The following SPATA13 variants were observed in gnomAD, a reference collection of about 807,000 sequenced individuals.
SPATA13 encodes the protein spermatogenesis associated 13.
SPATA13 carries 50 observed loss-of-function variants against 104.0 expected under a neutral mutation model. That is an observed-to-expected ratio of 0.48 (90% CI 0.38 to 0.61). The LOEUF (loss-of-function observed/expected upper bound fraction) is 0.61. Among genes scored for constraint, SPATA13 ranks in the 20% least tolerant of loss-of-function variants. SPATA13 has a pLI of 0.00. For synonymous variants in SPATA13, 606 were observed against 667.5 expected (o/e 0.91, Z 1.42); for missense variants, 1,524 against 1,690.6 (o/e 0.90, Z 1.73).
At chr13:24,098,347 C>G (rs1045678197) in intron 3 of SPATA13, among the ~76,000 whole-genome samples, 1 of 151,498 alleles carries the variant, frequency 6.6e-6, no homozygotes, top group African/African-American at 2.4e-5. Flanking sequence ...CTCTTGAACC[C>G]AGGAATTCAA....
intron 9 of SPATA13, 75 bp downstream of exon 9, chr13:24,290,959 G>A: frequency 1.7e-6 from 2 of 1,203,372 alleles, no homozygotes; most frequent in South Asian, 2.8e-5. Context: ...ACTCCAGGCA[G>A]TGATAGGTGG....
At chr13:24,146,373 C>T (rs192025345) in intron 3 of SPATA13, among the ~76,000 whole-genome samples, 8 of 152,324 alleles carry the variant, frequency 5.3e-5, no homozygotes, top group African/African-American at 1.4e-4. Flanking sequence ...CCTCTCCCTG[C>T]GGCCAGGCCA....
intron 2 of SPATA13, among the ~76,000 whole-genome samples, chr13:24,246,148 C>T (rs1397430003): frequency 6.6e-6 from 1 of 152,176 alleles, no homozygotes. Context: ...AAGGGCTGCA[C>T]GTCCATTTGT....
chr13:24,171,338 T>A (rs1490063370), intron 1 of SPATA13, among the ~76,000 whole-genome samples: 1 of 152,044 alleles, frequency 6.6e-6, no homozygotes, highest in Non-Finnish European at 1.5e-5. Flanking sequence ...AACATGCGGG[T>A]CAGATCTGAC....
intron 2 of SPATA13, among the ~76,000 whole-genome samples, chr13:24,248,673 C>T (rs1055525821): frequency 1.3e-5 from 2 of 152,126 alleles, no homozygotes; most frequent in African/African-American, 4.8e-5. Context: ...TTGGTGGGAG[C>T]CAGAGGCTGC....
intron 3 of SPATA13, among the ~76,000 whole-genome samples, chr13:24,054,915 C>G (rs1878485709): frequency 6.6e-6 from 1 of 152,164 alleles, no homozygotes; most frequent in Admixed American, 6.5e-5. Context: ...TATGTCCCAG[C>G]ATTTAAACAT....
At chr13:23,982,956 T>C (rs551907703) in intron 1 of SPATA13, among the ~76,000 whole-genome samples, 167 of 152,230 alleles carry the variant, frequency 1.1e-3, no homozygotes, top group African/African-American at 3.8e-3. Context: ...GGGAAGAAGG[T>C]GAGAGAAACT....
chr13:24,008,458 A>G (rs963693102), intron 2 of SPATA13, among the ~76,000 whole-genome samples: 3 of 152,172 alleles, frequency 2.0e-5, no homozygotes, highest in Non-Finnish European at 2.9e-5. Flanking sequence ...ATGGGCCACC[A>G]TGAAAGAGGG....
At chr13:24,169,850 C>T (rs1488027353) in intron 1 of SPATA13, among the ~76,000 whole-genome samples, 1 of 152,220 alleles carries the variant, frequency 6.6e-6, no homozygotes. Flanking sequence ...GCTCTGCCTG[C>T]AGACTCCACT....
chr13:24,120,051 G>C (rs754626549), intron 3 of SPATA13, among the ~76,000 whole-genome samples: 9 of 152,068 alleles, frequency 5.9e-5, no homozygotes, highest in Non-Finnish European at 1.0e-4. Flanking sequence ...TTGTTCCATT[G>C]ATCTGTTTAT....
chr13:24,063,926 C>T lies in SPATA13; in HGVS notation c.-112+46225C>T, dbSNP rs141303832. On this transcript the variant is annotated intron_variant, in intron 3 of 14. Transcript: ENST00000424834. ...GACTTCCTTAATGACCTGAGGTCTT[C>T]GTTCCCTGCCTGCCTCCTTTCTGAG... 2.5e-4 allele frequency among the ~76,000 whole-genome samples: 38 copies of T among 152,252 alleles called. No individual in the cohort carries two copies. In the East Asian group the frequency reaches 6.4e-3, roughly 26 times the overall value.
At chr13:24,003,635 G>T (rs1042750086) in intron 2 of SPATA13, among the ~76,000 whole-genome samples, 3 of 152,230 alleles carry the variant, frequency 2.0e-5, no homozygotes, top group African/African-American at 7.2e-5. Flanking sequence ...AATGAATACA[G>T]ATTTAATTGC....
chr13:24,283,647 T>C (rs936546810), intron 4 of SPATA13, among the ~76,000 whole-genome samples: 2 of 152,242 alleles, frequency 1.3e-5, no homozygotes, highest in African/African-American at 4.8e-5. Flanking sequence ...CTTTCAAATA[T>C]GTACAGAGAG....
chr13:24,296,510 A>C (rs1876792313), intron 10 of SPATA13, among the ~76,000 whole-genome samples: 1 of 152,210 alleles, frequency 6.6e-6, no homozygotes, highest in Non-Finnish European at 1.5e-5. Context: ...TCTTGCTGAC[A>C]ATTTATCGTC....
intron 3 of SPATA13, among the ~76,000 whole-genome samples, chr13:24,059,134 G>A (rs1028400093): frequency 1.3e-5 from 2 of 151,408 alleles, no homozygotes; most frequent in African/African-American, 4.8e-5. Context: ...ACCATGTCCT[G>A]CTAATTTTTT....
intron 3 of SPATA13, among the ~76,000 whole-genome samples, chr13:24,066,861 G>A (rs1206621616): frequency 1.3e-5 from 2 of 152,186 alleles, no homozygotes; most frequent in Admixed American, 1.3e-4. Flanking sequence ...ACTCCGGCCA[G>A]ATCTGGCAGA....
In SPATA13 at chr13:24,297,307, A is replaced by T. The variant is rs147767213; in HGVS notation, c.3211-56A>T. 42 of 1,543,948 alleles carry T rather than the reference A, an allele frequency of 2.7e-5. No individual in the cohort carries two copies. The African/African-American group carries it at 5.2e-4, about 19-fold the overall frequency. On this transcript the variant is annotated intron_variant, in intron 10 of 12. Transcript: ENST00000382108. Reference sequence around the variant, plus strand: ...TCCCACCTTGGCTTCTTAAGTAGCTAGGACTACAGCTGTGGTAGAATTGGA... The same window carrying T: ...TCCCACCTTGGCTTCTTAAGTAGCTTGGACTACAGCTGTGGTAGAATTGGA...
At chr13:24,199,626 G>A (rs562226822) in intron 1 of SPATA13, among the ~76,000 whole-genome samples, 1 of 152,170 alleles carries the variant, frequency 6.6e-6, no homozygotes, top group African/African-American at 2.4e-5. Flanking sequence ...CTTTTAATTG[G>A]CCAATGTGTA....
intron 1 of SPATA13, among the ~76,000 whole-genome samples, chr13:24,191,288 T>C (rs918227710): frequency 1.1e-4 from 16 of 152,128 alleles, no homozygotes; most frequent in African/African-American, 3.9e-4. Flanking sequence ...ATTTTAAAAT[T>C]AATGTATGTA....
Sources: allele counts gnomAD v4.1 joint callset (sites outside exome capture counted in the v4.1 genomes callset), GRCh38; gene constraint gnomAD v4.1.1; transcripts MANE v1.5; gene names NCBI Gene and HGNC (gene_info 2026-07-23, HGNC 2026-07-21).